The following APOLD1 variants were observed in gnomAD, a reference collection of about 807,000 sequenced individuals.
The protein encoded by APOLD1 is apolipoprotein L domain containing 1.
In APOLD1, 22 loss-of-function variants were observed where a neutral mutation model predicts 15.3. The observed-to-expected ratio is 1.44, with a 90% CI of 1.03 to 2.05. The LOEUF (loss-of-function observed/expected upper bound fraction) is 2.05, where lower values mean the gene tolerates loss of function less well. Ranked by LOEUF, APOLD1 falls within the 30% of genes most tolerant of loss-of-function variation. The pLI, the probability that APOLD1 is intolerant of heterozygous loss-of-function variation, is 0.00. For synonymous variants in APOLD1, 190 were observed against 167.4 expected (o/e 1.13, Z -1.04); for missense variants, 394 against 353.5 (o/e 1.11, Z -0.92).
At chr12:12,734,990 A>C (rs1215901079) in intron 1 of APOLD1, among the ~76,000 whole-genome samples, 1 of 152,210 alleles carries the variant, frequency 6.6e-6, no homozygotes. Flanking sequence ...ATGCTGTAGC[A>C]GTTTGGATCC....
upstream of APOLD1, among the ~76,000 whole-genome samples, chr12:12,782,553 A>G (rs1454486818): frequency 6.6e-6 from 1 of 152,190 alleles, no homozygotes; most frequent in Admixed American, 6.5e-5. Flanking sequence ...TTGTCTCTAC[A>G]AAAAGTCAAA....
intron 1 of APOLD1, among the ~76,000 whole-genome samples, chr12:12,738,524 A>C (rs1946707557): frequency 6.6e-6 from 1 of 152,186 alleles, no homozygotes; most frequent in African/African-American, 2.4e-5. Context: ...AGATATTTAC[A>C]TATCTACTAT....
At chr12:12,756,966 T>C (rs1416159029) in intron 1 of APOLD1, among the ~76,000 whole-genome samples, 1 of 152,166 alleles carries the variant, frequency 6.6e-6, no homozygotes, top group Non-Finnish European at 1.5e-5. Context: ...TTTGTATTTT[T>C]AGTAGAGACA....
rs1293715920 is a variant in APOLD1 at position 12,736,131 on chromosome 12, GGATCACTC to G, written c.96+10036_96+10043del. 1.6e-4 allele frequency among the ~76,000 whole-genome samples: 24 copies of G among 152,154 alleles called. No individual in the cohort carries two copies. In the East Asian group the frequency reaches 4.6e-3, roughly 29 times the overall value. On this transcript the variant is annotated intron_variant, in intron 1 of 1. Transcript: ENST00000326765. ...AGCATTTTGGGAGGCTGAGGCGGGT[GGATCACTC>G]AGGAGTTCAAGACTGGCCTGGCCAG...
At chr12:12,749,412 A>G (rs1946790121) in intron 1 of APOLD1, among the ~76,000 whole-genome samples, 1 of 149,870 alleles carries the variant, frequency 6.7e-6, no homozygotes, top group Admixed American at 6.8e-5. Flanking sequence ...AAGTAACAAA[A>G]GGACCAGAGG....
At chr12:12,779,106 TGCCCTCC>T (rs1256927239) in intron 1 of APOLD1, among the ~76,000 whole-genome samples, 5 of 152,206 alleles carry the variant, frequency 3.3e-5, no homozygotes, top group African/African-American at 1.2e-4. Context: ...TTGTCCAGAC[TGCCCTCC>T]TCTCTCTCCT....
intron 1 of APOLD1, among the ~76,000 whole-genome samples, chr12:12,729,167 C>T (rs1946617454): frequency 6.6e-6 from 1 of 151,510 alleles, no homozygotes; most frequent in Non-Finnish European, 1.5e-5. Flanking sequence ...TTTTCTTTTG[C>T]TTGCCATTTT....
At chr12:12,774,535 G>A (rs1326618274) in intron 1 of APOLD1, among the ~76,000 whole-genome samples, 2 of 94,572 alleles carry the variant, frequency 2.1e-5, no homozygotes, top group Non-Finnish European at 3.8e-5. Context: ...GACACAGCGA[G>A]ACTCTAACTC....
intron 1 of APOLD1, among the ~76,000 whole-genome samples, chr12:12,751,436 T>A (rs1946811644): frequency 1.3e-5 from 2 of 151,924 alleles, no homozygotes; most frequent in Admixed American, 6.6e-5. Context: ...CTACAACTTC[T>A]ACCTCCCGAG....
intron 1 of APOLD1, among the ~76,000 whole-genome samples, chr12:12,749,064 A>C (rs1946787321): frequency 6.6e-6 from 1 of 152,118 alleles, no homozygotes; most frequent in Non-Finnish European, 1.5e-5. Flanking sequence ...TTCACAGGCC[A>C]TGGGGTCTGT....
chr12:12,783,224 A>T (rs1409269777), upstream of APOLD1, among the ~76,000 whole-genome samples: 1 of 152,196 alleles, frequency 6.6e-6, no homozygotes, highest in Non-Finnish European at 1.5e-5. Flanking sequence ...ATAAATAAAT[A>T]AAAGTAAACA....
At chr12:12,768,013 C>T (rs1946954295) in intron 1 of APOLD1, among the ~76,000 whole-genome samples, 1 of 152,038 alleles carries the variant, frequency 6.6e-6, no homozygotes, top group Non-Finnish European at 1.5e-5. Context: ...TCTTGAACTC[C>T]TGACCTCGGG....
At chr12:12,729,697 C>A (rs997525819) in intron 1 of APOLD1, among the ~76,000 whole-genome samples, 1 of 152,068 alleles carries the variant, frequency 6.6e-6, no homozygotes, top group South Asian at 2.1e-4. Flanking sequence ...GAGTTCAGGG[C>A]CGCAGCTCAG....
intron 1 of APOLD1, among the ~76,000 whole-genome samples, chr12:12,734,452 T>A (rs1035100273): frequency 6.6e-6 from 1 of 152,258 alleles, no homozygotes; most frequent in African/African-American, 2.4e-5. Flanking sequence ...ATATTGGCTA[T>A]GGGAGACCAC....
In APOLD1 at chr12:12,787,109, C is replaced by T. The variant is rs1399735598; in HGVS notation, c.204C>T (p.Leu68=). The part of the protein sequence containing the change: ...AGSSLSATGA[L]AAIVGLSLSP... ...GCTCGCTGAGCGCAACGGGCGCCCT[C>T]GCCGCCATCGTGGGGCTCTCGCTCA... Residue 68 remains leucine (L), a synonymous_variant, in exon 2 of 2, where the codon CTC becomes CTT. Coordinates refer to ENST00000356591, the MANE Select transcript of APOLD1 (RefSeq NM_030817.3). The surrounding 1 kb of genome is among the most constrained non-coding windows in gnomAD (Gnocchi z 4.9). The T allele has an allele frequency of 1.4e-6, 2 of 1,422,456 alleles. No individual in the cohort carries two copies. Among genetic ancestry groups the T allele is most frequent in the East Asian group, 2.8e-5 (1 of 36,040 alleles). 88.1% of individuals were successfully genotyped at this position (1,422,456 alleles called of 1,614,324 possible).
intron 1 of APOLD1, among the ~76,000 whole-genome samples, chr12:12,769,229 A>AC (rs910810758): frequency 4.7e-5 from 4 of 84,824 alleles, no homozygotes; most frequent in African/African-American, 1.4e-4. Flanking sequence ...CCTCCAGCTA[A>AC]AAAAAAAAAA....
intron 1 of APOLD1, chr12:12,764,851 T>C: frequency 4.5e-6 from 1 of 220,256 alleles, no homozygotes. Context: ...TCTGCTGGGC[T>C]AACAAATAAA....
At chr12:12,753,208 A>G (rs572413812) in intron 1 of APOLD1, among the ~76,000 whole-genome samples, 15 of 152,390 alleles carry the variant, frequency 9.8e-5, no homozygotes, top group African/African-American at 3.4e-4. Context: ...AAGAAACTCA[A>G]TAGACGATAA....
intron 1 of APOLD1, among the ~76,000 whole-genome samples, chr12:12,779,557 A>T (rs1226548588): frequency 6.6e-6 from 1 of 152,208 alleles, no homozygotes; most frequent in African/African-American, 2.4e-5. Flanking sequence ...GAAGATGGTC[A>T]TTCTCCTTGA....
Sources: allele counts gnomAD v4.1 joint callset (sites outside exome capture counted in the v4.1 genomes callset), GRCh38; gene constraint gnomAD v4.1.1; non-coding constraint Gnocchi (gnomAD v3.1); transcripts MANE v1.5; gene names NCBI Gene and HGNC (gene_info 2026-07-23, HGNC 2026-07-21).